Variants in TSPAN5 observed in about 807,000 individuals in gnomAD.
TSPAN5 encodes the protein tetraspanin-5.
Under a neutral mutation model 37.1 loss-of-function variants are expected in TSPAN5, and 10 were observed. The ratio of observed to expected loss-of-function variants is 0.27; its 90% CI spans 0.17 to 0.46. The LOEUF (loss-of-function observed/expected upper bound fraction) is 0.46, where lower values mean the gene tolerates loss of function less well. TSPAN5 is among the 20% of genes least tolerant of loss of function. The pLI is 1.00. For synonymous variants in TSPAN5, 110 were observed against 118.9 expected (o/e 0.93, Z 0.48); for missense variants, 195 against 326.6 (o/e 0.60, Z 3.11).
chr4:98,584,765 T>C (rs1755448601), intron 1 of TSPAN5, among the ~76,000 whole-genome samples: 1 of 152,222 alleles, frequency 6.6e-6, no homozygotes. Context: ...CTATCGCCAC[T>C]GCAAAGCATG....
chr4:98,496,590 T>C (rs1184763845), intron 2 of TSPAN5: 1 of 152,106 alleles, frequency 6.6e-6, no homozygotes, highest in East Asian at 1.9e-4. Flanking sequence ...ATCTTTTAGG[T>C]CTCCATACAA....
chr4:98,513,322 T>C (rs1753653057), intron 1 of TSPAN5, among the ~76,000 whole-genome samples: 1 of 152,038 alleles, frequency 6.6e-6, no homozygotes, highest in Admixed American at 6.6e-5. Flanking sequence ...AGGCCAGCTA[T>C]GTGTGGTGAG....
At position 98,585,247 on chromosome 4, in the gene TSPAN5, C is replaced by G. The variant is rs113479088; in HGVS notation, c.81+72899G>C. On this transcript the variant is annotated intron_variant, in intron 1 of 7. Transcript: ENST00000305798. ...ATTACCCGAATGGTGAACACTGTAA[C>G]AAACAAGCAATACTTCAACGTTCAG... Among the ~76,000 whole-genome samples the G allele has an allele frequency of 9.3e-4, 141 of 152,274 alleles. 2 individuals are homozygous for G. The highest frequency in any genetic ancestry group is 3.0e-3 in the African/African-American group (124 of 41,552).
intron 2 of TSPAN5, among the ~76,000 whole-genome samples, chr4:98,490,199 A>G (rs1753055269): frequency 6.6e-6 from 1 of 152,160 alleles, no homozygotes; most frequent in Admixed American, 6.5e-5. Context: ...GGTTGTACAT[A>G]AAGAGCTCAG....
At chr4:98,584,050 T>C (rs1348762429) in intron 1 of TSPAN5, among the ~76,000 whole-genome samples, 3 of 152,176 alleles carry the variant, frequency 2.0e-5, no homozygotes, top group African/African-American at 7.2e-5. Context: ...CTATATACCC[T>C]AATGCACCAG....
At chr4:98,616,905 C>A (rs1756354498) in intron 1 of TSPAN5, among the ~76,000 whole-genome samples, 1 of 143,050 alleles carries the variant, frequency 7.0e-6, no homozygotes, top group Admixed American at 7.3e-5. Context: ...TGCTCTGCAG[C>A]CTTGACCTAC....
intron 1 of TSPAN5, among the ~76,000 whole-genome samples, chr4:98,633,145 A>G (rs1395887900): frequency 1.3e-5 from 2 of 152,204 alleles, no homozygotes. Context: ...TGGCTTAGCC[A>G]GAAAATAAAA....
intron 2 of TSPAN5, among the ~76,000 whole-genome samples, chr4:98,495,514 A>C (rs997733826): frequency 2.1e-5 from 3 of 139,902 alleles, no homozygotes; most frequent in African/African-American, 8.2e-5. Flanking sequence ...CCCGGGAGAC[A>C]GAGAGAGCCT....
At chr4:98,517,996 G>C (rs1753772127) in intron 1 of TSPAN5, among the ~76,000 whole-genome samples, 1 of 152,076 alleles carries the variant, frequency 6.6e-6, no homozygotes. Flanking sequence ...ATAAACTGCG[G>C]TTTGCATTAG....
Position 98,486,792 on chromosome 4 carries a change from C to T in TSPAN5, c.225G>A (p.Leu75=), listed in dbSNP as rs370467019. ...GCGCTCCAATGCACCCTGCAAATCC[C>T]AAAATGAACATCACTCCTCCCACCA... ...FLVVGGVMFI[L]GFAGCIGALR... Residue 75 remains leucine, a synonymous_variant, in exon 3 of 8, where the codon TTG becomes TTA. Transcript: ENST00000305798. The T allele has an allele frequency of 9.3e-6, 15 of 1,613,872 alleles. No individual in the cohort carries two copies. Among genetic ancestry groups the T allele is most frequent in the Middle Eastern group, 1.6e-4 (1 of 6,084 alleles).
At chr4:98,527,945 G>C (rs1298196409) in intron 1 of TSPAN5, among the ~76,000 whole-genome samples, 4 of 152,148 alleles carry the variant, frequency 2.6e-5, no homozygotes, top group Non-Finnish European at 4.4e-5. Context: ...GAAATATCTG[G>C]GTATTGAGCA....
chr4:98,560,783 A>G (rs1371070381), intron 1 of TSPAN5, among the ~76,000 whole-genome samples: 1 of 152,216 alleles, frequency 6.6e-6, no homozygotes, highest in Non-Finnish European at 1.5e-5. Context: ...CTCTAAAGTA[A>G]AAAAGGCAGT....
At chr4:98,599,420 G>T (rs1289536273) in intron 1 of TSPAN5, among the ~76,000 whole-genome samples, 2 of 151,954 alleles carry the variant, frequency 1.3e-5, no homozygotes, top group Admixed American at 6.6e-5. Context: ...CTTTTTAAAA[G>T]AAACTTTTTA....
At chr4:98,484,312 A>T (rs551807277) in intron 3 of TSPAN5, 2 of 393,626 alleles carry the variant, frequency 5.1e-6, no homozygotes, top group South Asian at 1.9e-5. Flanking sequence ...TAGTTCCTAG[A>T]TTTTCCCTCA....
At chr4:98,512,481 G>C (rs537526760) in intron 1 of TSPAN5, among the ~76,000 whole-genome samples, 1 of 152,316 alleles carries the variant, frequency 6.6e-6, no homozygotes, top group African/African-American at 2.4e-5. Flanking sequence ...CCTCAGGCAG[G>C]CTGATGGAAG....
intron 1 of TSPAN5, among the ~76,000 whole-genome samples, chr4:98,609,354 A>G (rs1365432222): frequency 6.6e-6 from 1 of 152,138 alleles, no homozygotes; most frequent in Non-Finnish European, 1.5e-5. Flanking sequence ...CCCAACCCCG[A>G]CCACTGGCTG....
chr4:98,581,119 T>C (rs899228001), intron 1 of TSPAN5, among the ~76,000 whole-genome samples: 3 of 152,232 alleles, frequency 2.0e-5, no homozygotes, highest in Non-Finnish European at 2.9e-5. Context: ...TAAAAACTAG[T>C]ACTCATTTGG....
chr4:98,564,606 A>G (rs1359691503), intron 1 of TSPAN5, among the ~76,000 whole-genome samples: 2 of 152,122 alleles, frequency 1.3e-5, no homozygotes, highest in African/African-American at 4.8e-5. Context: ...AAATGAGGGT[A>G]AATAACTTTC....
At chr4:98,608,201 G>A (rs866207111) in intron 1 of TSPAN5, among the ~76,000 whole-genome samples, 3 of 152,126 alleles carry the variant, frequency 2.0e-5, no homozygotes, top group African/African-American at 7.2e-5. Flanking sequence ...AGACATTCCC[G>A]TTCCCTATCA....
Sources: allele counts gnomAD v4.1 joint callset (sites outside exome capture counted in the v4.1 genomes callset), GRCh38; gene constraint gnomAD v4.1.1; transcripts MANE v1.5; gene names NCBI Gene and HGNC (gene_info 2026-07-23, HGNC 2026-07-21).